UNC13C: variants seen among roughly 807,000 people sequenced by gnomAD.
UNC13C encodes the protein protein unc-13 homolog C.
In UNC13C, 174 loss-of-function variants were observed where a neutral mutation model predicts 245.4. The observed-to-expected ratio is 0.71, with a 90% CI of 0.63 to 0.80. The LOEUF is 0.80. UNC13C is among the 30% of genes least tolerant of loss of function. The pLI is 0.00. For missense variants in UNC13C, 2,829 were observed against 2,602.9 expected (o/e 1.09, Z -1.89); for synonymous variants, 992 against 895.1 (o/e 1.11, Z -1.93).
At chr15:54,532,487 C>T (rs1035815823) in intron 25 of UNC13C, among the ~76,000 whole-genome samples, 2 of 152,182 alleles carry the variant, frequency 1.3e-5, no homozygotes, top group African/African-American at 4.8e-5. Flanking sequence ...CCATGAAATA[C>T]TATTCAGCCA....
the UNC13C span, among the ~76,000 whole-genome samples, chr15:53,871,793 T>G: frequency 1.3e-5 from 2 of 152,166 alleles, no homozygotes; most frequent in Non-Finnish European, 2.9e-5. Flanking sequence ...AGCAAGTACT[T>G]AAGATAGTCT....
chr15:54,102,156 A>G (rs895939329), intron 2 of UNC13C, among the ~76,000 whole-genome samples: 8 of 151,590 alleles, frequency 5.3e-5, no homozygotes, highest in African/African-American at 1.9e-4. Flanking sequence ...GCAAATTCCC[A>G]TAAGTCATAC....
intron 30 of UNC13C, among the ~76,000 whole-genome samples, chr15:54,613,514 C>T (rs1900237476): frequency 6.6e-6 from 1 of 151,826 alleles, no homozygotes; most frequent in Non-Finnish European, 1.5e-5. Flanking sequence ...CAATGATACT[C>T]ATAATAGTGT....
intron 18 of UNC13C, among the ~76,000 whole-genome samples, chr15:54,408,197 C>A (rs1177709291): frequency 1.1e-4 from 2 of 18,540 alleles, no homozygotes; most frequent in Non-Finnish European, 1.1e-4. Flanking sequence ...GAGACTCTGC[C>A]TCAAAAAAAA....
At chr15:54,475,569 G>A (rs1239350915) in intron 19 of UNC13C, among the ~76,000 whole-genome samples, 1 of 148,400 alleles carries the variant, frequency 6.7e-6, no homozygotes, top group African/African-American at 2.5e-5. Context: ...TTGGTTTTTT[G>A]TCCCTGCAAA....
chr15:54,298,401 T>C (rs1421501528), intron 12 of UNC13C, among the ~76,000 whole-genome samples: 8 of 152,188 alleles, frequency 5.3e-5, no homozygotes, highest in African/African-American at 1.2e-4. Flanking sequence ...ACTAGAAACA[T>C]AAAAATGTGG....
intron 4 of UNC13C, among the ~76,000 whole-genome samples, chr15:54,219,481 A>C (rs1426209378): frequency 6.6e-6 from 1 of 151,540 alleles, no homozygotes; most frequent in African/African-American, 2.4e-5. Flanking sequence ...TGTTAGACCT[A>C]AAACCATAAA....
intron 19 of UNC13C, among the ~76,000 whole-genome samples, chr15:54,450,811 G>T (rs1891132183): frequency 6.6e-6 from 1 of 152,138 alleles, no homozygotes; most frequent in African/African-American, 2.4e-5. Flanking sequence ...CTAGTGAGAT[G>T]AACCCAGTAC....
chr15:54,089,834 C>G (rs1022136127), intron 2 of UNC13C, among the ~76,000 whole-genome samples: 1 of 152,104 alleles, frequency 6.6e-6, no homozygotes, highest in African/African-American at 2.4e-5. Flanking sequence ...TACAAGGTGT[C>G]AATACAATTC....
At chr15:53,864,720 C>G in the UNC13C span, among the ~76,000 whole-genome samples, 1 of 152,056 alleles carries the variant, frequency 6.6e-6, no homozygotes, top group East Asian at 1.9e-4. Flanking sequence ...GAAGAAATAC[C>G]CTCTTCCTAG....
At chr15:53,909,940 A>G in the UNC13C span, among the ~76,000 whole-genome samples, 1 of 144,064 alleles carries the variant, frequency 6.9e-6, no homozygotes, top group Non-Finnish European at 1.5e-5. Context: ...GGCTTCTTGG[A>G]TAGTTTTCTT....
chr15:54,508,325 T>A (rs547981496), intron 23 of UNC13C, among the ~76,000 whole-genome samples: 1 of 152,172 alleles, frequency 6.6e-6, no homozygotes, highest in South Asian at 2.1e-4. Context: ...GACCATGAGC[T>A]CCTAAGGCTA....
chr15:54,068,054 C>T (rs1486908567), intron 2 of UNC13C, among the ~76,000 whole-genome samples: 2 of 152,116 alleles, frequency 1.3e-5, no homozygotes, highest in African/African-American at 4.8e-5. Flanking sequence ...AGAGAAATTT[C>T]CCATCCCTTC....
rs140248691 is a variant in UNC13C at position 54,150,668 on chromosome 15, G to A, written c.3071+6984G>A. 1.2e-3 allele frequency among the ~76,000 whole-genome samples: 180 copies of A among 152,256 alleles called. 1 individual carries two copies. The highest frequency in any genetic ancestry group is 4.2e-3 in the African/African-American group (175 of 41,556). ...GAGCACTTGATATCTTCTCTACTTA[G>A]AAAGTCATAAGATCATTAGGTTAGC... On this transcript the variant is annotated intron_variant, in intron 4 of 32. Coordinates refer to ENST00000260323, the MANE Select transcript of UNC13C (RefSeq NM_001080534.3).
intron 19 of UNC13C, among the ~76,000 whole-genome samples, chr15:54,442,099 T>C (rs1295517891): frequency 6.6e-6 from 1 of 152,030 alleles, no homozygotes; most frequent in African/African-American, 2.4e-5. Context: ...TTTCCAAATA[T>C]AATGTCTTCC....
Position 54,534,215 on chromosome 15 carries a change from C to T in UNC13C, c.5696+1149C>T, listed in dbSNP as rs1185062085. Among the ~76,000 whole-genome samples the T allele has an allele frequency of 2.0e-5, 3 of 152,234 alleles. No homozygotes were observed. In the East Asian group the frequency reaches 5.8e-4, roughly 30 times the overall value. On this transcript the variant is annotated intron_variant, in intron 26 of 32. Transcript: ENST00000260323. ...CAGGAACACCTTCGCCCCTCCAGTG[C>T]AGCAGGTGCTTGTCCTTGAGGAGAC... is the stretch of plus-strand genomic sequence containing the variant.
At chr15:53,952,381 G>A in the UNC13C span, among the ~76,000 whole-genome samples, 20 of 152,238 alleles carry the variant, frequency 1.3e-4, no homozygotes, top group Non-Finnish European at 2.2e-4. Flanking sequence ...AAATAAAAAG[G>A]CCAGATCTTG....
chr15:53,946,455 T>G, the UNC13C span, among the ~76,000 whole-genome samples: 1,886 of 141,524 alleles, frequency 0.013, 45 homozygotes, highest in African/African-American at 0.045. Context: ...TTTTTTGTTT[T>G]TTTTTTTTTT....
the UNC13C span, among the ~76,000 whole-genome samples, chr15:53,875,546 A>T: frequency 8.5e-5 from 13 of 152,242 alleles, 1 homozygote; most frequent in South Asian, 2.7e-3. Context: ...CCAAAAAACA[A>T]GTCACTGGGG....
Sources: gnomAD v4.1 joint callset for allele counts (sites outside exome capture counted in the v4.1 genomes callset) on GRCh38, gnomAD v4.1.1 for gene constraint, MANE v1.5 for transcripts, NCBI Gene and HGNC (gene_info 2026-07-23, HGNC 2026-07-21) for gene names.